Variants in CACNB2 observed in about 807,000 individuals in gnomAD.
CACNB2 encodes voltage-dependent L-type calcium channel subunit beta-2.
Under a neutral mutation model 73.3 loss-of-function variants are expected in CACNB2, and 42 were observed. The ratio of observed to expected loss-of-function variants is 0.57; its 90% confidence interval spans 0.45 to 0.74. The LOEUF is 0.74. Ranked by LOEUF, CACNB2 falls within the 30% of genes least tolerant of loss-of-function variation. The pLI, the probability that CACNB2 is intolerant of heterozygous loss-of-function variation, is 0.00. For synonymous variants in CACNB2, 348 were observed against 310.3 expected, an observed-to-expected ratio of 1.12 and a Z score of -1.28; for missense variants, 940 against 853.0, an observed-to-expected ratio of 1.10 and a Z score of -1.27.
At chr10:18,243,880 G>A (rs1001084709) in intron 2 of CACNB2, among the ~76,000 whole-genome samples, 3 of 152,164 alleles carry the variant, frequency 2.0e-5, no homozygotes, top group African/African-American at 4.8e-5. Context: ...CCAGCCTCAA[G>A]TATTCAGTTA....
At chr10:18,483,928 G>C (rs1005512933) in intron 3 of CACNB2, among the ~76,000 whole-genome samples, 6 of 152,146 alleles carry the variant, frequency 3.9e-5, no homozygotes, top group Non-Finnish European at 7.3e-5. Context: ...TACAATTACT[G>C]AGTGGAACCG....
At chr10:18,261,146 G>A in intron 2 of CACNB2, 2 of 1,535,706 alleles carry the variant, frequency 1.3e-6, no homozygotes, top group African/African-American at 2.7e-5. Context: ...GAAGCTAAGT[G>A]ATTTGCTCAT....
chr10:18,514,212 G>C, intron 6 of CACNB2, 24 bp from the exon 7 acceptor site: 2 of 1,613,386 alleles, frequency 1.2e-6, no homozygotes, highest in Non-Finnish European at 1.7e-6. Flanking sequence ...CTGTCCACCT[G>C]ATTTTTGAAT....
chr10:18,202,867 AT>A (rs2034941598), intron 2 of CACNB2, among the ~76,000 whole-genome samples: 1 of 152,190 alleles, frequency 6.6e-6, no homozygotes, highest in South Asian at 2.1e-4. Flanking sequence ...TTATGCTGAA[AT>A]TCCCTTTCTT....
intron 5 of CACNB2, among the ~76,000 whole-genome samples, chr10:18,503,377 G>A (rs757460630): frequency 1.4e-4 from 21 of 152,134 alleles, no homozygotes; most frequent in Middle Eastern, 3.2e-3. Context: ...CAGGTGGATC[G>A]CTTGAGGCCA....
Position 18,518,278 on chromosome 10 carries a change from A to G in CACNB2, c.805-58A>G, listed in dbSNP as rs560334504. The G allele has an allele frequency of 4.8e-5, 57 of 1,182,254 alleles. No individual in the cohort carries two copies. The East Asian group carries it at 1.2e-3, about 24-fold the overall frequency. 73.2% of individuals were successfully genotyped at this position (1,182,254 alleles called of 1,614,324 possible). ...AGTTCAGAAAGAGTACCTTATACAC[A>G]AAATATTTATGTTCTACCTGCCTGT... On this transcript the variant is annotated intron_variant, in intron 7 of 13. Coordinates refer to ENST00000324631, the MANE Select transcript of CACNB2 (RefSeq NM_201596.3).
At chr10:18,403,631 T>A (rs1448950734) in intron 3 of CACNB2, among the ~76,000 whole-genome samples, 1 of 152,190 alleles carries the variant, frequency 6.6e-6, no homozygotes, top group Non-Finnish European at 1.5e-5. Flanking sequence ...TAGATGACAT[T>A]GCTGCAAAGA....
chr10:18,412,078 G>A (rs542064975), intron 3 of CACNB2, among the ~76,000 whole-genome samples: 41 of 152,254 alleles, frequency 2.7e-4, no homozygotes, highest in African/African-American at 4.6e-4. Flanking sequence ...TGTGTGTCTC[G>A]TTCTCTTCCA....
chr10:18,191,392 G>A (rs1388913703), intron 2 of CACNB2, among the ~76,000 whole-genome samples: 3 of 152,182 alleles, frequency 2.0e-5, no homozygotes, highest in African/African-American at 7.2e-5. Context: ...TTCAGTGATT[G>A]ATGAAGGTGG....
chr10:18,488,640 G>A (rs1348411790), intron 3 of CACNB2, among the ~76,000 whole-genome samples: 2 of 151,994 alleles, frequency 1.3e-5, no homozygotes, highest in South Asian at 2.1e-4. Flanking sequence ...AGTGTCACAC[G>A]CAAGGCAGAC....
intron 3 of CACNB2, among the ~76,000 whole-genome samples, chr10:18,411,790 G>C (rs75679864): frequency 0.065 from 9,860 of 152,252 alleles, 843 homozygotes; most frequent in African/African-American, 0.18. Context: ...TTACAGGCGT[G>C]AGCCACTGTG....
intron 2 of CACNB2, among the ~76,000 whole-genome samples, chr10:18,276,130 A>G (rs1224266501): frequency 2.0e-5 from 3 of 152,252 alleles, no homozygotes; most frequent in African/African-American, 7.2e-5. Flanking sequence ...TCAGTTTCAC[A>G]TGATATAAAA....
chr10:18,413,270 C>T (rs969191482), intron 3 of CACNB2, among the ~76,000 whole-genome samples: 1 of 152,218 alleles, frequency 6.6e-6, no homozygotes, highest in African/African-American at 2.4e-5. Context: ...CTGTGCCCAG[C>T]CACACATATT....
intron 10 of CACNB2, among the ~76,000 whole-genome samples, chr10:18,532,480 C>G (rs764685171): frequency 1.3e-5 from 2 of 151,956 alleles, no homozygotes; most frequent in Admixed American, 6.6e-5. Context: ...TGAGACCAGC[C>G]TTGCCAACAT....
rs183692822 is a variant in CACNB2 at position 18,499,485 on chromosome 10, C to T, written c.456+1008C>T. On this transcript the variant is annotated intron_variant, in intron 4 of 13. Transcript: ENST00000324631. ...CAAAAATTATCTGGGTGTAGTGGCA[C>T]ATGCCTGTAATCTCAGCTACTCGAG... Among the ~76,000 whole-genome samples the T allele has an allele frequency of 3.3e-5, 5 of 152,006 alleles. No homozygotes were observed. The South Asian group carries it at 8.3e-4, about 25-fold the overall frequency.
At chr10:18,503,210 CCCGATAGGATT>C (rs1427786008) in intron 5 of CACNB2, among the ~76,000 whole-genome samples, 7 of 152,280 alleles carry the variant, frequency 4.6e-5, no homozygotes, top group African/African-American at 1.7e-4. Flanking sequence ...TGTTTGAAGA[CCCGATAGGATT>C]CTTTCAATCC....
chr10:18,514,728 T>C (rs2051104373), intron 7 of CACNB2, among the ~76,000 whole-genome samples: 1 of 152,234 alleles, frequency 6.6e-6, no homozygotes, highest in African/African-American at 2.4e-5. Flanking sequence ...TCCTTTTTGA[T>C]GGAATAATAT....
At chr10:18,411,208 G>T (rs574676385) in intron 3 of CACNB2, among the ~76,000 whole-genome samples, 1 of 152,030 alleles carries the variant, frequency 6.6e-6, no homozygotes, top group Non-Finnish European at 1.5e-5. Context: ...AGCCGCATGC[G>T]TTTGTTTATT....
At chr10:18,416,187 A>C (rs1324710403) in intron 3 of CACNB2, among the ~76,000 whole-genome samples, 1 of 150,012 alleles carries the variant, frequency 6.7e-6, no homozygotes, top group African/African-American at 2.5e-5. Flanking sequence ...TTATTTTTCC[A>C]CTCTTTATCT....
Sources: gnomAD v4.1 joint callset for allele counts (sites outside exome capture counted in the v4.1 genomes callset) on GRCh38, gnomAD v4.1.1 for gene constraint, MANE v1.5 for transcripts, NCBI Gene and HGNC (gene_info 2026-07-23, HGNC 2026-07-21) for gene names.